The following ACTR3C variants were observed in gnomAD, a reference collection of about 807,000 sequenced individuals.
ACTR3C encodes the protein actin-related protein 3C.
A neutral mutation model predicts 26.3 loss-of-function variants in ACTR3C; 18 were observed. That is an observed-to-expected ratio of 0.68 (90% confidence interval 0.47 to 1.01). The LOEUF is 1.01. Among genes scored for constraint, ACTR3C ranks in the 50% least tolerant of loss-of-function variants. ACTR3C has a pLI of 0.00. For synonymous variants in ACTR3C, 55 were observed against 94.5 expected, an observed-to-expected ratio of 0.58 and a Z score of 2.42; for missense variants, 184 against 250.7, an observed-to-expected ratio of 0.73 and a Z score of 1.80.
the ACTR3C span, among the ~76,000 whole-genome samples, chr7:150,023,871 G>C: frequency 7.6e-6 from 1 of 130,798 alleles, no homozygotes; most frequent in Admixed American, 8.6e-5. Context: ...CACTAAGTGT[G>C]ATCACAGATA....
chr7:150,243,540 A>T (rs1563139301), downstream of ACTR3C, among the ~76,000 whole-genome samples: 2 of 152,080 alleles, frequency 1.3e-5, no homozygotes, highest in African/African-American at 4.8e-5. Flanking sequence ...CTTTGTGTAT[A>T]TACCATTGTC....
chr7:150,016,227 C>CTCT, the ACTR3C span, among the ~76,000 whole-genome samples: 2 of 152,126 alleles, frequency 1.3e-5, no homozygotes, highest in Non-Finnish European at 2.9e-5. Context: ...CATCAACACC[C>CTCT]TCTTCCCTTG....
the ACTR3C span, among the ~76,000 whole-genome samples, chr7:150,120,587 T>C: frequency 3.5e-4 from 53 of 152,152 alleles, 1 homozygote; most frequent in South Asian, 0.01. Context: ...GTTGATACAG[T>C]AATTAATAGC....
downstream of ACTR3C, among the ~76,000 whole-genome samples, chr7:150,242,432 A>G (rs535459152): frequency 2.0e-5 from 3 of 150,654 alleles, no homozygotes; most frequent in Non-Finnish European, 4.4e-5. Flanking sequence ...GAGTTGGGAA[A>G]ATCTACATCT....
the ACTR3C span, among the ~76,000 whole-genome samples, chr7:150,087,301 G>A: frequency 6.6e-6 from 1 of 151,928 alleles, no homozygotes; most frequent in Admixed American, 6.6e-5. Flanking sequence ...TTTAAACATG[G>A]CAACAAAGTG....
At chr7:150,126,218 G>A in the ACTR3C span, among the ~76,000 whole-genome samples, 1 of 152,324 alleles carries the variant, frequency 6.6e-6, no homozygotes, top group East Asian at 1.9e-4. Flanking sequence ...AGGAATTGTG[G>A]AAGATTCTCT....
Position 150,286,370 on chromosome 7 carries a change from C to T in ACTR3C, c.468G>A (p.Pro156=), listed in dbSNP as rs200584229. Residue 156 remains proline (P), a synonymous_variant, in exon 5 of 8, where the codon CCG becomes CCA. Transcript: ENST00000683684. ...RFLGPEIFFH[P]EFANPDSMES... Reference sequence around the variant, plus strand: ...CACAAAAAAAGAAACACCTTACCTCCGGGTGAAAGAATATTTCAGGTCCCA... The same window carrying T: ...CACAAAAAAAGAAACACCTTACCTCTGGGTGAAAGAATATTTCAGGTCCCA... The T allele has an allele frequency of 6.2e-6, 10 of 1,613,936 alleles. No individual in the cohort carries two copies. The highest frequency in any genetic ancestry group is 4.0e-5 in the African/African-American group (3 of 74,986).
the ACTR3C span, among the ~76,000 whole-genome samples, chr7:149,969,731 A>G: frequency 0.062 from 9,510 of 152,296 alleles, 853 homozygotes; most frequent in African/African-American, 0.2. Flanking sequence ...GCTTAAAATG[A>G]CATAACTTAG....
chr7:150,274,080 A>T lies in ACTR3C; in HGVS notation c.564+10673T>A, dbSNP rs1834659270. On this transcript the variant is annotated intron_variant, in intron 6 of 7. Transcript: ENST00000683684. This position sits in a 1 kb window ranked among gnomAD's most constrained non-coding sequence, Gnocchi z 4.1. ...GAGACAGAACTATTAAGTATAAATAACTAAAATATATAGCAAATTAGGAGA... is the reference window on the plus strand; with the variant it reads ...GAGACAGAACTATTAAGTATAAATATCTAAAATATATAGCAAATTAGGAGA... Among the ~76,000 whole-genome samples the T allele has an allele frequency of 6.6e-6, 1 of 151,310 alleles. No individual in the cohort carries two copies. The highest frequency in any genetic ancestry group is 2.1e-4 in the South Asian group (1 of 4,832).
chr7:150,018,378 C>A, the ACTR3C span, among the ~76,000 whole-genome samples: 1 of 149,066 alleles, frequency 6.7e-6, no homozygotes, highest in East Asian at 1.9e-4. Context: ...TGTATTTTCA[C>A]TTCCTTTGAG....
chr7:150,035,182 GCT>G, the ACTR3C span, among the ~76,000 whole-genome samples: 1 of 136,906 alleles, frequency 7.3e-6, no homozygotes, highest in Non-Finnish European at 1.6e-5. Flanking sequence ...AGAGGGTCTG[GCT>G]CTCAGTCCCC....
chr7:150,225,171 T>G, the ACTR3C span, among the ~76,000 whole-genome samples: 1 of 152,176 alleles, frequency 6.6e-6, no homozygotes, highest in Non-Finnish European at 1.5e-5. Context: ...TTATTTTTAT[T>G]AGACAATGGT....
At chr7:149,887,829 A>G in the ACTR3C span, among the ~76,000 whole-genome samples, 6 of 152,140 alleles carry the variant, frequency 3.9e-5, no homozygotes, top group Non-Finnish European at 8.8e-5. Flanking sequence ...TTCCCATGCT[A>G]TTCTTGTGAT....
chr7:150,035,482 G>A, the ACTR3C span, among the ~76,000 whole-genome samples: 3 of 119,658 alleles, frequency 2.5e-5, no homozygotes, highest in Non-Finnish European at 5.6e-5. Context: ...GGTAGTAACA[G>A]CCAGGGGCGG....
chr7:150,319,028 T>C (rs935154225), intron 1 of ACTR3C, among the ~76,000 whole-genome samples: 4 of 152,212 alleles, frequency 2.6e-5, no homozygotes, highest in African/African-American at 9.6e-5. Context: ...AGTAGGAAGA[T>C]ACCTGGGCTG....
At chr7:149,969,710 T>C in the ACTR3C span, among the ~76,000 whole-genome samples, 1 of 152,218 alleles carries the variant, frequency 6.6e-6, no homozygotes, top group Non-Finnish European at 1.5e-5. Context: ...CTTTGAGATA[T>C]TAATTTAATT....
At chr7:150,186,675 CA>C in the ACTR3C span, among the ~76,000 whole-genome samples, 1 of 152,188 alleles carries the variant, frequency 6.6e-6, no homozygotes, top group Non-Finnish European at 1.5e-5. Context: ...ATCCTCTCGC[CA>C]ATCACAATAC....
chr7:150,246,260 G>A (rs1178806252), downstream of ACTR3C: 1 of 152,144 alleles, frequency 6.6e-6, no homozygotes, highest in Non-Finnish European at 1.5e-5. Context: ...TTCTGCCTTG[G>A]GTTTTCTAAG....
At chr7:150,187,933 C>T in the ACTR3C span, among the ~76,000 whole-genome samples, 4 of 152,034 alleles carry the variant, frequency 2.6e-5, no homozygotes, top group Non-Finnish European at 5.9e-5. Context: ...AACTTTTGCT[C>T]GCCAATTTTA....
Sources: gnomAD v4.1 joint callset for allele counts (sites outside exome capture counted in the v4.1 genomes callset) on GRCh38, gnomAD v4.1.1 for gene constraint, Gnocchi (gnomAD v3.1) non-coding constraint, MANE v1.5 for transcripts, NCBI Gene and HGNC (gene_info 2026-07-23, HGNC 2026-07-21) for gene names.